NID1: variants seen among roughly 807,000 people sequenced by gnomAD.
The protein encoded by NID1 is nidogen 1.
Under a neutral mutation model 130.6 loss-of-function variants are expected in NID1, and 76 were observed. The ratio of observed to expected loss-of-function variants is 0.58; its 90% confidence interval spans 0.48 to 0.70. The LOEUF is 0.70. Among genes scored for constraint, NID1 ranks in the 30% least tolerant of loss-of-function variants. The pLI, the probability that NID1 is intolerant of heterozygous loss-of-function variation, is 0.00. For synonymous variants in NID1, 665 were observed against 675.1 expected, an observed-to-expected ratio of 0.98 and a Z score of 0.23; for missense variants, 1,517 against 1,664.8, an observed-to-expected ratio of 0.91 and a Z score of 1.54.
In NID1 at chr1:236,032,893, A is replaced by T. The variant is rs935962543; in HGVS notation, c.1286-241T>A. ...CTTCCTGTGACTGAAAATGGATAGC[A>T]CGAAAGCTGTCTCCACGGACAGCCA... On this transcript the variant is annotated intron_variant, in intron 5 of 19. Coordinates refer to ENST00000264187, the MANE Select transcript of NID1 (RefSeq NM_002508.3). Among the ~76,000 whole-genome samples, 11 of 152,278 alleles carry T rather than the reference A, an allele frequency of 7.2e-5. No homozygotes were observed. The South Asian group carries it at 1.2e-3, about 17-fold the overall frequency.
At position 236,041,950 on chromosome 1, in the gene NID1, A is replaced by T. The variant is rs776277886; in HGVS notation, c.1095T>A (p.Pro365=). Residue 365 remains proline (P), a synonymous_variant, in exon 4 of 20, where the codon CCT becomes CCA. Transcript: ENST00000264187. Reference sequence around the variant, plus strand: ...CAACTTCATCCACATCTATGACCTGAGGGTGCTGCTGGTGAAAAGTCTCCA... The same window carrying T: ...CAACTTCATCCACATCTATGACCTGTGGGTGCTGCTGGTGAAAAGTCTCCA... ...LAVETFHQQH[P]QVIDVDEVEE... 1 of 1,613,830 alleles carries T rather than the reference A, an allele frequency of 6.2e-7. No homozygotes were observed. The highest frequency in any genetic ancestry group is 2.2e-5 in the East Asian group (1 of 44,870).
intron 15 of NID1, among the ~76,000 whole-genome samples, chr1:235,984,537 G>A (rs1657521202): frequency 1.3e-5 from 2 of 152,132 alleles, no homozygotes; most frequent in Admixed American, 6.5e-5. Flanking sequence ...ACAAAATGAG[G>A]CTGCTCTATT....
intron 9 of NID1, among the ~76,000 whole-genome samples, chr1:236,020,015 C>T (rs1042943995): frequency 3.8e-5 from 5 of 130,442 alleles, no homozygotes; most frequent in South Asian, 2.5e-4. Flanking sequence ...CCTGCCTGGG[C>T]GACAGAGCAA....
At chr1:236,012,152 T>C (rs1414179675) in intron 11 of NID1, 109 bp from the exon 12 acceptor site, 2 of 1,356,040 alleles carry the variant, frequency 1.5e-6, no homozygotes, top group South Asian at 1.3e-5. Flanking sequence ...GCTTCTGATC[T>C]GGGAACAGTA....
At position 236,024,112 on chromosome 1, in the gene NID1, C is replaced by T. The variant is rs565155740; in HGVS notation, c.2086G>A (p.Glu696Lys). The T allele has an allele frequency of 6.2e-6, 10 of 1,614,244 alleles. No individual in the cohort carries two copies. Among genetic ancestry groups the T allele is most frequent in the South Asian group, 4.4e-5 (4 of 91,086 alleles). ...TCTCCTCGGAAGCCGATGGAGCACT[C>T]GCAGGTGAACTGTGTCCTGGGACCA... ...RPGPRTQFTC[E>K]CSIGFRGDGR... Residue 696 changes from glutamate to lysine, a missense_variant, in exon 9 of 20, where the codon GAG becomes AAG. By Grantham distance (56) the Glu-to-Lys change is moderately conservative. This residue lies in a region of NID1 where 1,329 missense variants were observed against 1,429.2 expected (regional missense o/e 0.93). Coordinates refer to ENST00000264187, the MANE Select transcript of NID1 (RefSeq NM_002508.3).
At chr1:236,050,094 G>A (rs1316939788) in intron 1 of NID1, among the ~76,000 whole-genome samples, 2 of 151,928 alleles carry the variant, frequency 1.3e-5, no homozygotes, top group Admixed American at 6.6e-5. Flanking sequence ...TTCTGATGGG[G>A]AAAATTAGGC....
At chr1:236,011,864 C>G (rs1658434870) in intron 12 of NID1, 57 bp downstream of exon 12, 1 of 1,602,312 alleles carries the variant, frequency 6.2e-7, no homozygotes, top group African/African-American at 1.3e-5. Flanking sequence ...GGGCCATGTG[C>G]TCTGCATTCA....
At chr1:236,063,477 A>AT (rs896197726) in intron 1 of NID1, among the ~76,000 whole-genome samples, 26 of 145,154 alleles carry the variant, frequency 1.8e-4, no homozygotes, top group Middle Eastern at 3.5e-3. Context: ...GTCTCAAAAA[A>AT]AAAAATAAAT....
intron 17 of NID1, 84 bp from the exon 18 acceptor site, chr1:235,980,029 G>C: frequency 6.9e-7 from 1 of 1,456,420 alleles, no homozygotes; most frequent in Non-Finnish European, 9.6e-7. Context: ...ATGAGGGCAA[G>C]AGTGGGAGAA....
intron 12 of NID1, among the ~76,000 whole-genome samples, chr1:236,001,312 G>A (rs1466836355): frequency 1.3e-5 from 2 of 151,862 alleles, no homozygotes; most frequent in Admixed American, 6.6e-5. Flanking sequence ...TCATGATGTT[G>A]GCCAGGCTGG....
At chr1:236,034,973 C>CTTT (rs11371749) in intron 5 of NID1, among the ~76,000 whole-genome samples, 36 of 131,664 alleles carry the variant, frequency 2.7e-4, no homozygotes, top group Middle Eastern at 3.7e-3. Flanking sequence ...GCAGAGTTTT[C>CTTT]TTTTTTTTTT....
intron 15 of NID1, among the ~76,000 whole-genome samples, chr1:235,982,649 C>A (rs1013199096): frequency 6.6e-6 from 1 of 152,086 alleles, no homozygotes; most frequent in African/African-American, 2.4e-5. Context: ...CAGCACCCAT[C>A]TAACTTTACT....
At chr1:236,017,306 T>C in intron 9 of NID1, 33 bp from the exon 10 acceptor site, 1 of 1,611,690 alleles carries the variant, frequency 6.2e-7, no homozygotes, top group Non-Finnish European at 8.5e-7. Flanking sequence ...CTGCAGGCTT[T>C]TTTTTAAAGC....
chr1:236,019,521 C>T (rs1658695058), intron 9 of NID1, among the ~76,000 whole-genome samples: 1 of 152,170 alleles, frequency 6.6e-6, no homozygotes, highest in Non-Finnish European at 1.5e-5. Context: ...TGTGACCAGG[C>T]TCTTCTCTCT....
rs202139258 is a variant in NID1, at chr1:236,026,010, G to C, written c.1870C>G (p.Arg624Gly). Residue 624 changes from arginine (R) to glycine (G), a missense_variant, in exon 8 of 20, where the codon CGG becomes GGG. Coordinates refer to ENST00000264187, the MANE Select transcript of NID1 (RefSeq NM_002508.3). The part of the protein sequence containing the change: ...TFQECVHDDS[R>G]PALPSTQQLS... ...TGCTGGGTGCTGGGCAGGGCTGGCC[G>C]GGAGTCATCGTGGACGCATTCCTGG... 35 of 1,613,642 alleles carry C rather than the reference G, an allele frequency of 2.2e-5. No individual in the cohort carries two copies. The highest frequency in any genetic ancestry group is 3.0e-5 in the Non-Finnish European group (35 of 1,179,958).
chr1:235,993,879 G>A lies in NID1; in HGVS notation c.2528-7C>T, dbSNP rs752273129. On this transcript the variant is annotated splice_region_variant and splice_polypyrimidine_tract_variant and intron_variant, in intron 12 of 19. Transcript: ENST00000264187. ...CACCGGGTTTTCTCCACCTCTATCAGAGAAACAGGCAACAAGAAAGCTGTC... is the reference window on the plus strand; with the variant it reads ...CACCGGGTTTTCTCCACCTCTATCAAAGAAACAGGCAACAAGAAAGCTGTC... The A allele has an allele frequency of 4.4e-6, 7 of 1,603,114 alleles. No homozygotes were observed. In the South Asian group the frequency reaches 7.7e-5, roughly 18 times the overall value.
rs1037304966 is a variant in NID1, at chr1:236,043,617, T to A, written c.753-1325A>T. ...ATCGAGACCATCCTGGCTAACATGG[T>A]GAAACCCCGTCTCTACTAAAAATAC... On this transcript the variant is annotated intron_variant, in intron 3 of 19. Coordinates refer to ENST00000264187, the MANE Select transcript of NID1 (RefSeq NM_002508.3). 5.9e-3 allele frequency among the ~76,000 whole-genome samples: 890 copies of A among 152,072 alleles called. 9 individuals are homozygous for A. The highest frequency in any genetic ancestry group is 0.02 in the African/African-American group (825 of 41,478).
intron 12 of NID1, among the ~76,000 whole-genome samples, chr1:235,996,702 CA>C (rs1195749897): frequency 6.6e-6 from 1 of 152,156 alleles, no homozygotes; most frequent in African/African-American, 2.4e-5. Context: ...CTTGACCTCC[CA>C]AAGTACTGGG....
Position 236,041,972 on chromosome 1 carries a change from TCC to T in NID1, c.1071_1072del (p.Glu358AspfsTer14). On this transcript the variant is annotated frameshift_variant, in exon 4 of 20. Transcript: ENST00000264187. LOFTEE classifies it high-confidence loss of function. ...CTGAGGGTGCTGCTGGTGAAAAGTCTCCACTGCCAACTGGAAAGACCTGGTTC... is the reference window on the plus strand; with the variant it reads ...CTGAGGGTGCTGCTGGTGAAAAGTCTACTGCCAACTGGAAAGACCTGGTTC... 3.1e-6 allele frequency: 5 copies of T among 1,614,094 alleles called. No homozygotes were observed. Among genetic ancestry groups the T allele is most frequent in the Non-Finnish European group, 4.2e-6 (5 of 1,180,008 alleles).
Sources: allele counts gnomAD v4.1 joint callset (sites outside exome capture counted in the v4.1 genomes callset), GRCh38; gene constraint gnomAD v4.1.1; regional missense constraint gnomAD v4.1.1; transcripts MANE v1.5; gene names NCBI Gene and HGNC (gene_info 2026-07-23, HGNC 2026-07-21).